Variants in ETS1 observed in about 807,000 individuals in gnomAD.
ETS1 encodes ETS proto-oncogene 1, transcription factor, also known as protein C-ets-1.
A neutral mutation model predicts 58.6 loss-of-function variants in ETS1; 15 were observed. The observed-to-expected ratio is 0.26, with a 90% CI of 0.17 to 0.39. ETS1 has a LOEUF of 0.39. ETS1 is among the 10% of genes least tolerant of loss of function. The pLI is 1.00. For missense variants in ETS1, 417 were observed against 610.5 expected (o/e 0.68, Z 3.34); for synonymous variants, 214 against 218.2 (o/e 0.98, Z 0.17).
At chr11:128,547,866 G>A (rs1864155347) in intron 3 of ETS1, among the ~76,000 whole-genome samples, 1 of 152,078 alleles carries the variant, frequency 6.6e-6, no homozygotes, top group Non-Finnish European at 1.5e-5. Flanking sequence ...TGGACTGAAA[G>A]CTGAGGGGCC....
intron 1 of ETS1, among the ~76,000 whole-genome samples, chr11:128,579,495 C>G (rs567333987): frequency 6.6e-6 from 1 of 151,854 alleles, no homozygotes; most frequent in Admixed American, 6.6e-5. Context: ...AATTCCATCT[C>G]TACTAAAAAT....
At chr11:128,585,148 G>GA (rs1327310002) in intron 1 of ETS1, among the ~76,000 whole-genome samples, 3 of 20,616 alleles carry the variant, frequency 1.5e-4, no homozygotes, top group African/African-American at 1.1e-3. Flanking sequence ...AAGAAAGAAA[G>GA]AAAGAAAGAA....
intron 3 of ETS1, among the ~76,000 whole-genome samples, chr11:128,552,062 G>A (rs1400068879): frequency 6.6e-6 from 1 of 152,002 alleles, no homozygotes; most frequent in Admixed American, 6.6e-5. Context: ...CTGGGGTACG[G>A]CTCGAGATTT....
At position 128,522,930 on chromosome 11, in the gene ETS1, A is replaced by C. The variant is rs1380486537; in HGVS notation, c.215-32354T>G. Among the ~76,000 whole-genome samples, 4 of 152,216 alleles carry C rather than the reference A, an allele frequency of 2.6e-5. No individual in the cohort carries two copies. In the East Asian group the frequency reaches 7.7e-4, roughly 29 times the overall value. On this transcript the variant is annotated intron_variant, in intron 3 of 9. Coordinates refer to ENST00000392668, the MANE Select transcript of ETS1 (RefSeq NM_001143820.2). ...TTTCTGAAGGAGGCTTCAGTTTTTC[A>C]GAGCCCACCCATGTAATGCTCCTGC...
At chr11:128,516,017 T>C (rs1328298145) in intron 3 of ETS1, among the ~76,000 whole-genome samples, 1 of 152,230 alleles carries the variant, frequency 6.6e-6, no homozygotes, top group Non-Finnish European at 1.5e-5. Flanking sequence ...AGCGTGTCTG[T>C]TAAGCATGGC....
At chr11:128,512,525 C>T (rs574777993) in intron 3 of ETS1, among the ~76,000 whole-genome samples, 4 of 152,346 alleles carry the variant, frequency 2.6e-5, no homozygotes, top group Admixed American at 1.3e-4. Context: ...GTGCGGGCAC[C>T]GCTCTTCCAC....
At chr11:128,570,519 G>GCCA (rs1212552113) in intron 2 of ETS1, among the ~76,000 whole-genome samples, 2 of 152,022 alleles carry the variant, frequency 1.3e-5, no homozygotes, top group Non-Finnish European at 2.9e-5. Flanking sequence ...CAGGATTACA[G>GCCA]GTGTGAGCCA....
At chr11:128,584,538 G>A (rs1489964400) in intron 1 of ETS1, among the ~76,000 whole-genome samples, 1 of 152,182 alleles carries the variant, frequency 6.6e-6, no homozygotes, top group Admixed American at 6.5e-5. Flanking sequence ...ACCTAGCAAG[G>A]ATGTTGGAAC....
intron 5 of ETS1, among the ~76,000 whole-genome samples, chr11:128,488,846 C>A (rs183148400): frequency 6.6e-6 from 1 of 152,152 alleles, no homozygotes; most frequent in African/African-American, 2.4e-5. Context: ...CTTATTAATA[C>A]GGTCTCAGAC....
At chr11:128,509,065 C>T (rs1468406046) in intron 3 of ETS1, among the ~76,000 whole-genome samples, 1 of 152,110 alleles carries the variant, frequency 6.6e-6, no homozygotes, top group Non-Finnish European at 1.5e-5. Flanking sequence ...AATCGCTGTT[C>T]GGTTCACCCA....
rs1420786434 is a variant in ETS1 at position 128,461,257 on chromosome 11, T to A, written c.*1104A>T. On this transcript the variant is annotated 3_prime_UTR_variant, in exon 10 of 10. Coordinates refer to ENST00000392668, the MANE Select transcript of ETS1 (RefSeq NM_001143820.2). The stretch of plus-strand genomic sequence containing the variant: ...CATTCAGGACTTATTTCTTAGGACC[T>A]GAGGGGTAATGCCCATGCATACAGC... The A allele has an allele frequency of 6.5e-6, 1 of 152,782 alleles. No individual in the cohort carries two copies. 9.5% of individuals were successfully genotyped at this position (152,782 alleles called of 1,614,324 possible).
At chr11:128,571,349 T>G (rs1245837324) in intron 2 of ETS1, among the ~76,000 whole-genome samples, 1 of 151,208 alleles carries the variant, frequency 6.6e-6, no homozygotes, top group African/African-American at 2.4e-5. Context: ...CCCGGGAGGC[T>G]GAGCTTGCAG....
At chr11:128,541,126 C>T (rs1262103277) in intron 3 of ETS1, among the ~76,000 whole-genome samples, 1 of 152,192 alleles carries the variant, frequency 6.6e-6, no homozygotes, top group Non-Finnish European at 1.5e-5. Flanking sequence ...AGGACCATCC[C>T]TCTCATCATT....
chr11:128,467,042 C>T lies in ETS1; in HGVS notation c.1124-3415G>A, dbSNP rs578000274. Among the ~76,000 whole-genome samples, 6 of 152,290 alleles carry T rather than the reference C, an allele frequency of 3.9e-5. 1 individual carries two copies. The highest frequency in any genetic ancestry group is 2.1e-4 in the South Asian group (1 of 4,828). ...CCAAGTGAGAGGAGTTCATGATGGC[C>T]GCTGAAGCGTCCCCTCTAGCACCTT... On this transcript the variant is annotated intron_variant, in intron 8 of 9. Transcript: ENST00000392668.
chr11:128,554,800 G>A (rs1276119525), intron 3 of ETS1, among the ~76,000 whole-genome samples: 3 of 151,902 alleles, frequency 2.0e-5, no homozygotes, highest in Non-Finnish European at 2.9e-5. Context: ...GCATTAATAG[G>A]ATTCAAGAAT....
intron 1 of ETS1, among the ~76,000 whole-genome samples, chr11:128,577,171 A>G (rs1483632315): frequency 6.6e-6 from 1 of 152,212 alleles, no homozygotes; most frequent in Non-Finnish European, 1.5e-5. Context: ...TTGGTCTCAC[A>G]AGACTAAAAA....
chr11:128,520,296 G>A (rs550077591), intron 3 of ETS1, among the ~76,000 whole-genome samples: 1 of 152,112 alleles, frequency 6.6e-6, no homozygotes, highest in South Asian at 2.1e-4. Flanking sequence ...TGTGTTGCCA[G>A]GGCTCTTTTT....
At chr11:128,586,216 G>GA (rs2135608133) in intron 1 of ETS1, among the ~76,000 whole-genome samples, 1 of 152,318 alleles carries the variant, frequency 6.6e-6, no homozygotes, top group South Asian at 2.1e-4. Flanking sequence ...TTTACAATTA[G>GA]AAGCAGCATG....
At position 128,459,398 on chromosome 11, in the gene ETS1, T is replaced by A. The variant is rs1727367854; in HGVS notation, c.*2963A>T. ...AAACCCAGAGTGTTCATCTCCAAAG[T>A]GAGGAAAAGCACATCTGATCTTTGA... On this transcript the variant is annotated 3_prime_UTR_variant, in exon 10 of 10. Coordinates refer to ENST00000392668, the MANE Select transcript of ETS1 (RefSeq NM_001143820.2). 6.5e-6 allele frequency: 1 copy of A among 152,682 alleles called. No individual in the cohort carries two copies. Among genetic ancestry groups the A allele is most frequent in the Non-Finnish European group, 1.5e-5 (1 of 68,018 alleles). 9.5% of individuals were successfully genotyped at this position (152,682 alleles called of 1,614,324 possible).
Sources: allele counts gnomAD v4.1 joint callset (sites outside exome capture counted in the v4.1 genomes callset), GRCh38; gene constraint gnomAD v4.1.1; transcripts MANE v1.5; gene names NCBI Gene and HGNC (gene_info 2026-07-23, HGNC 2026-07-21).